PDE4D: variants seen among roughly 807,000 people sequenced by gnomAD.
The protein encoded by PDE4D is phosphodiesterase 4D, also known as 3',5'-cyclic-AMP phosphodiesterase 4D.
PDE4D carries 24 observed loss-of-function variants against 87.4 expected under a neutral mutation model. That is an observed-to-expected ratio of 0.27 (90% CI 0.20 to 0.39). The LOEUF (loss-of-function observed/expected upper bound fraction) is 0.39. Ranked by LOEUF, PDE4D falls within the 10% of genes least tolerant of loss-of-function variation. PDE4D has a pLI of 1.00. For missense variants in PDE4D, 714 were observed against 1,041.0 expected, an observed-to-expected ratio of 0.69 and a Z score of 4.32; for synonymous variants, 384 against 383.2, an observed-to-expected ratio of 1.00 and a Z score of -0.02.
intron 2 of PDE4D, among the ~76,000 whole-genome samples, chr5:60,105,833 G>GTCCT (rs1554158696): frequency 3.3e-5 from 5 of 152,066 alleles, no homozygotes; most frequent in Non-Finnish European, 7.4e-5. Flanking sequence ...GTCACCACCA[G>GTCCT]GCCTAAAAGA....
chr5:60,465,504 G>T (rs367925231), intron 1 of PDE4D, among the ~76,000 whole-genome samples: 2 of 152,158 alleles, frequency 1.3e-5, no homozygotes, highest in East Asian at 3.9e-4. Flanking sequence ...CAAGATTTCT[G>T]TTCCTGTTAC....
intron 1 of PDE4D, among the ~76,000 whole-genome samples, chr5:60,201,093 C>CT (rs2149545041): frequency 6.6e-6 from 1 of 151,108 alleles, no homozygotes; most frequent in African/African-American, 2.4e-5. Context: ...GTTTAAAGTG[C>CT]TAGCTAATAA....
chr5:60,236,850 A>T (rs1746484741), intron 1 of PDE4D, among the ~76,000 whole-genome samples: 1 of 151,960 alleles, frequency 6.6e-6, no homozygotes, highest in Admixed American at 6.6e-5. Flanking sequence ...CTCCCTTACA[A>T]CCTGCAGAAA....
intron 1 of PDE4D, among the ~76,000 whole-genome samples, chr5:59,454,028 C>A (rs1164591283): frequency 6.6e-6 from 1 of 152,168 alleles, no homozygotes; most frequent in Non-Finnish European, 1.5e-5. Context: ...ATCCTGGGGC[C>A]ATTCAGAATT....
chr5:59,099,303 G>A (rs1770330321), intron 5 of PDE4D, among the ~76,000 whole-genome samples: 1 of 152,176 alleles, frequency 6.6e-6, no homozygotes, highest in African/African-American at 2.4e-5. Flanking sequence ...TATCAGTAAA[G>A]ATCCGGTTCT....
At chr5:59,457,164 G>A (rs941072584) in intron 1 of PDE4D, among the ~76,000 whole-genome samples, 1 of 152,166 alleles carries the variant, frequency 6.6e-6, no homozygotes, top group African/African-American at 2.4e-5. Context: ...GAAGAGAAAA[G>A]TCAATAAATG....
chr5:60,480,733 A>C (rs1748666696), intron 1 of PDE4D, among the ~76,000 whole-genome samples: 1 of 152,332 alleles, frequency 6.6e-6, no homozygotes, highest in South Asian at 2.1e-4. Flanking sequence ...AAAGACTAGA[A>C]ATATAATACA....
At chr5:60,268,856 A>G (rs1180471083) in intron 1 of PDE4D, among the ~76,000 whole-genome samples, 1 of 152,212 alleles carries the variant, frequency 6.6e-6, no homozygotes, top group African/African-American at 2.4e-5. Context: ...AATAACTTAC[A>G]AGCTTTCTTA....
chr5:59,323,740 G>T (rs1276558193), intron 1 of PDE4D, among the ~76,000 whole-genome samples: 1 of 151,872 alleles, frequency 6.6e-6, no homozygotes, highest in Non-Finnish European at 1.5e-5. Context: ...ACCTACTTTT[G>T]GTCTTGAAGA....
intron 1 of PDE4D, among the ~76,000 whole-genome samples, chr5:59,858,970 A>G (rs536328444): frequency 2.4e-4 from 36 of 152,224 alleles, no homozygotes; most frequent in Non-Finnish European, 3.5e-4. Context: ...CAGAACAAAC[A>G]CTGCACAAGT....
chr5:59,640,485 G>C (rs890877392), intron 1 of PDE4D, among the ~76,000 whole-genome samples: 1 of 152,140 alleles, frequency 6.6e-6, no homozygotes, highest in Non-Finnish European at 1.5e-5. Flanking sequence ...TGGCAAAGTA[G>C]GTTTCAAGCC....
chr5:60,119,524 G>A (rs1420764045), intron 2 of PDE4D, among the ~76,000 whole-genome samples: 1 of 152,176 alleles, frequency 6.6e-6, no homozygotes, highest in Non-Finnish European at 1.5e-5. Flanking sequence ...GTTGTCCTCT[G>A]GAATTAGATT....
intron 2 of PDE4D, among the ~76,000 whole-genome samples, chr5:60,079,382 A>C (rs932140210): frequency 1.3e-5 from 2 of 152,182 alleles, no homozygotes; most frequent in African/African-American, 2.4e-5. Flanking sequence ...TAGTTTAATT[A>C]GATCCTATTT....
chr5:59,124,276 A>C (rs1282147442), intron 5 of PDE4D, among the ~76,000 whole-genome samples: 1 of 152,184 alleles, frequency 6.6e-6, no homozygotes, highest in Non-Finnish European at 1.5e-5. Flanking sequence ...GAAAGGAGCA[A>C]TCAAGTGCAG....
At chr5:60,247,785 TAA>T (rs1160571739) in intron 1 of PDE4D, among the ~76,000 whole-genome samples, 8 of 151,938 alleles carry the variant, frequency 5.3e-5, no homozygotes, top group African/African-American at 1.9e-4. Flanking sequence ...ATTTTTCATA[TAA>T]GTGTTCACTG....
chr5:60,335,654 G>T (rs1034635388), intron 1 of PDE4D, among the ~76,000 whole-genome samples: 16 of 152,156 alleles, frequency 1.1e-4, no homozygotes, highest in African/African-American at 3.6e-4. Flanking sequence ...CCTCAGGCAG[G>T]CATCCTAAGT....
At chr5:60,351,786 T>G (rs915859837) in intron 1 of PDE4D, among the ~76,000 whole-genome samples, 5 of 127,598 alleles carry the variant, frequency 3.9e-5, no homozygotes, top group Admixed American at 7.1e-5. Context: ...AATTATTTTA[T>G]TTATTTATTT....
chr5:59,840,233 G>A (rs199514649), intron 1 of PDE4D, among the ~76,000 whole-genome samples: 3 of 118,226 alleles, frequency 2.5e-5, no homozygotes, highest in African/African-American at 1.2e-4. Context: ...CACGTGCACT[G>A]CCACACACAC....
At chr5:60,316,749 A>T (rs372630492) in intron 1 of PDE4D, among the ~76,000 whole-genome samples, 1 of 152,048 alleles carries the variant, frequency 6.6e-6, no homozygotes, top group Non-Finnish European at 1.5e-5. Context: ...AGATAATCAT[A>T]TGGTTTTTGT....
Sources: gnomAD v4.1 joint callset for allele counts (sites outside exome capture counted in the v4.1 genomes callset) on GRCh38, gnomAD v4.1.1 for gene constraint, MANE v1.5 for transcripts, NCBI Gene and HGNC (gene_info 2026-07-23, HGNC 2026-07-21) for gene names.